Variants in SNAP47 observed in about 807,000 individuals in gnomAD.
SNAP47 encodes the protein synaptosomal-associated protein 47.
Under a neutral mutation model 31.4 loss-of-function variants are expected in SNAP47, and 20 were observed. The observed-to-expected ratio is 0.64, with a 90% CI of 0.45 to 0.93. SNAP47 has a LOEUF of 0.93. SNAP47 is among the 40% of genes least tolerant of loss of function. The probability of loss-of-function intolerance (pLI) is 0.00; values close to 1 mark genes in which losing one functional copy is unlikely to be tolerated. For synonymous variants in SNAP47, 194 were observed against 213.4 expected, an observed-to-expected ratio of 0.91 and a Z score of 0.79; for missense variants, 492 against 528.5, an observed-to-expected ratio of 0.93 and a Z score of 0.68.
chr1:227,742,870 T>G (rs1304311096), intron 1 of SNAP47, among the ~76,000 whole-genome samples: 1 of 152,198 alleles, frequency 6.6e-6, no homozygotes, highest in Non-Finnish European at 1.5e-5. Flanking sequence ...GACATCTTTG[T>G]GTCCCCATAG....
chr1:227,759,867 G>T (rs1558205093), intron 3 of SNAP47, among the ~76,000 whole-genome samples: 1 of 152,238 alleles, frequency 6.6e-6, no homozygotes, highest in Non-Finnish European at 1.5e-5. Flanking sequence ...TGTTCTCATG[G>T]TAGTGAGTGA....
Position 227,759,379 on chromosome 1 carries a change from A to G in SNAP47, c.882A>G (p.Leu294=), listed in dbSNP as rs1335714979. Reference sequence around the variant, plus strand: ...AGATGCCAGAGGTTATCCCCATTTTAGAAGTGCAGTTCAGCAAGAAGATGG... The same window carrying G: ...AGATGCCAGAGGTTATCCCCATTTTGGAAGTGCAGTTCAGCAAGAAGATGG... ...SAKMPEVIPI[L]EVQFSKKMEL... is the part of the protein sequence containing the mutation. The change falls in exon 3 of 5, where the codon TTA becomes TTG. Residue 294 remains leucine, a synonymous_variant. Transcript: ENST00000617596. 1 of 1,614,128 alleles carries G rather than the reference A, an allele frequency of 6.2e-7. No homozygotes were observed. Among genetic ancestry groups the G allele is most frequent in the African/African-American group, 1.3e-5 (1 of 74,948 alleles).
rs1257048990 is a variant in SNAP47 at position 227,780,960 on chromosome 1, G to A, written c.*287G>A. ...CCCCAAGGACACTTGGCACAGGCCT[G>A]GAAGAGGCCGCCCTCGTCTTGTCTC... On this transcript the variant is annotated 3_prime_UTR_variant, in exon 5 of 5. Transcript: ENST00000617596. The A allele has an allele frequency of 9.2e-6, 4 of 435,082 alleles. No individual in the cohort carries two copies. Among genetic ancestry groups the A allele is most frequent in the African/African-American group, 7.9e-5 (4 of 50,372 alleles). The allele number at this position is 435,082 out of a possible 1,614,324, so 27.0% of individuals were successfully genotyped here.
chr1:227,736,882 C>T (rs1185960084), intron 1 of SNAP47, among the ~76,000 whole-genome samples: 7 of 151,828 alleles, frequency 4.6e-5, no homozygotes, highest in African/African-American at 9.7e-5. Flanking sequence ...GTCCTCGAGA[C>T]GGGCAGTAAG....
In SNAP47 at chr1:227,763,067, C is replaced by T. The variant is rs749828504; in HGVS notation, c.988+3582C>T. Among the ~76,000 whole-genome samples, 5 of 152,212 alleles carry T rather than the reference C, an allele frequency of 3.3e-5. No homozygotes were observed. The highest frequency in any genetic ancestry group is 7.3e-5 in the Non-Finnish European group (5 of 68,030). The stretch of plus-strand genomic sequence containing the variant: ...AATCTCCTGGGCCCAAGACATCCTC[C>T]TGCCTTGGCCTCTCAAGTAGCTGGG... On this transcript the variant is annotated intron_variant, in intron 3 of 4. Coordinates refer to ENST00000617596, the MANE Select transcript of SNAP47 (RefSeq NM_053052.4). This position sits in a 1 kb window ranked among gnomAD's most constrained non-coding sequence, Gnocchi z 4.2.
At chr1:227,768,068 G>A (rs918523696) in intron 4 of SNAP47, among the ~76,000 whole-genome samples, 3 of 152,202 alleles carry the variant, frequency 2.0e-5, no homozygotes, top group African/African-American at 4.8e-5. Flanking sequence ...AAGGATAAGA[G>A]CCATTCAGAA....
At chr1:227,779,277 C>T (rs1664325999) in intron 4 of SNAP47, among the ~76,000 whole-genome samples, 1 of 152,168 alleles carries the variant, frequency 6.6e-6, no homozygotes, top group African/African-American at 2.4e-5. Flanking sequence ...TTGCTTGTGA[C>T]CCTGAATCCC....
intron 2 of SNAP47, among the ~76,000 whole-genome samples, chr1:227,751,905 A>G (rs1048734394): frequency 6.6e-6 from 1 of 151,894 alleles, no homozygotes; most frequent in African/African-American, 2.4e-5. Context: ...CTGGGACTGC[A>G]GGTGCCCGCT....
intron 4 of SNAP47, among the ~76,000 whole-genome samples, chr1:227,778,175 G>A (rs1664267808): frequency 6.6e-6 from 1 of 152,256 alleles, no homozygotes; most frequent in African/African-American, 2.4e-5. Context: ...ACAGTGGTCT[G>A]TATTATGGGC....
rs775927072 is a variant in SNAP47, at chr1:227,741,214, T to C, written c.-46+5715T>C. On this transcript the variant is annotated intron_variant, in intron 1 of 4. Coordinates refer to ENST00000617596, the MANE Select transcript of SNAP47 (RefSeq NM_053052.4). This position sits in a 1 kb window ranked among gnomAD's most constrained non-coding sequence, Gnocchi z 4.2. ...GAGTGGGTGTTTGGGAGGCAACGGC[T>C]TGGGGGTGATGTTGAGTTTCTGGCC... 6.6e-6 allele frequency among the ~76,000 whole-genome samples: 1 copy of C among 152,000 alleles called. No homozygotes were observed. Among genetic ancestry groups the C allele is most frequent in the Non-Finnish European group, 1.5e-5 (1 of 67,972 alleles).
At chr1:227,770,609 G>A (rs78698409) in intron 4 of SNAP47, 1,702 of 154,806 alleles carry the variant, frequency 0.011, 24 homozygotes, top group African/African-American at 0.039. Context: ...AGGGACCCCC[G>A]TTCCTGGTCT....
upstream of SNAP47, chr1:227,733,551 C>G (rs763227625): frequency 2.5e-6 from 4 of 1,606,770 alleles, no homozygotes; most frequent in South Asian, 2.2e-5. Flanking sequence ...GAGGTCACGT[C>G]GTAGGGCAGG....
chr1:227,737,082 T>G (rs2102882848), intron 1 of SNAP47, among the ~76,000 whole-genome samples: 1 of 152,216 alleles, frequency 6.6e-6, no homozygotes, highest in South Asian at 2.1e-4. Flanking sequence ...AAACCTGTGG[T>G]TGGGGCACAG....
intron 2 of SNAP47, among the ~76,000 whole-genome samples, chr1:227,751,981 G>C (rs1463021317): frequency 6.6e-6 from 1 of 151,934 alleles, no homozygotes; most frequent in East Asian, 1.9e-4. Flanking sequence ...TAACCAGGAT[G>C]GTTTCAATCT....
chr1:227,733,599 G>A, upstream of SNAP47: 4 of 1,606,464 alleles, frequency 2.5e-6, no homozygotes, highest in Non-Finnish European at 3.4e-6. Flanking sequence ...TCCTGCCCTG[G>A]GGGGAAGAGG....
chr1:227,734,352 TAAAAA>T (rs56684758), upstream of SNAP47: 54 of 77,574 alleles, frequency 7.0e-4, no homozygotes, highest in East Asian at 3.5e-3. Context: ...CTAGTCTCTT[TAAAAA>T]AAAAAAAAAA....
chr1:227,765,906 G>C (rs540552609), intron 3 of SNAP47, among the ~76,000 whole-genome samples: 1 of 152,186 alleles, frequency 6.6e-6, no homozygotes, highest in Non-Finnish European at 1.5e-5. Flanking sequence ...GCTGGCGGGG[G>C]TGGCATCTTG....
intron 4 of SNAP47, among the ~76,000 whole-genome samples, chr1:227,773,125 TA>T (rs1663928585): frequency 7.1e-6 from 1 of 141,560 alleles, no homozygotes. Flanking sequence ...CACGTCCAGC[TA>T]ATTTTTTTTT....
rs201578220 is a variant in SNAP47, at chr1:227,747,869, C to G, written c.133C>G (p.Leu45Val). Residue 45 changes from leucine (L) to valine (V), a missense_variant, in exon 2 of 5, where the codon CTG becomes GTG. Transcript: ENST00000617596. ...CATGACTGACAGCACTGGAGAGATT[C>G]TGGTCAGCTTCCCCCTCTCCAGCAT... ...RFMTDSTGEILVSFPLSSIVE... is the reference protein window; with the variant it reads ...RFMTDSTGEIVVSFPLSSIVE... 2.2e-5 allele frequency: 36 copies of G among 1,614,196 alleles called. 1 individual carries two copies. Among genetic ancestry groups the G allele is most frequent in the Non-Finnish European group, 4.2e-6 (5 of 1,180,022 alleles).
Sources: gnomAD v4.1 joint callset for allele counts (sites outside exome capture counted in the v4.1 genomes callset) on GRCh38, gnomAD v4.1.1 for gene constraint, Gnocchi (gnomAD v3.1) non-coding constraint, MANE v1.5 for transcripts, NCBI Gene and HGNC (gene_info 2026-07-23, HGNC 2026-07-21) for gene names.